The following TRIM9 variants were observed in gnomAD, a reference collection of about 807,000 sequenced individuals.
TRIM9 encodes tripartite motif containing 9.
Under a neutral mutation model 78.3 loss-of-function variants are expected in TRIM9, and 26 were observed. The observed-to-expected ratio is 0.33, with a 90% CI of 0.24 to 0.46. The LOEUF (loss-of-function observed/expected upper bound fraction) is 0.46, where lower values mean the gene tolerates loss of function less well. Among genes scored for constraint, TRIM9 ranks in the 20% least tolerant of loss-of-function variants. The pLI is 1.00. For missense variants in TRIM9, 787 were observed against 1,036.4 expected (o/e 0.76, Z 3.30); for synonymous variants, 398 against 416.5 (o/e 0.96, Z 0.54).
intron 1 of TRIM9, among the ~76,000 whole-genome samples, chr14:51,046,486 C>T (rs1220227048): frequency 6.6e-6 from 1 of 152,186 alleles, no homozygotes. Context: ...GATTTCTGTA[C>T]ATTAATTCTT....
Position 50,975,600 on chromosome 14 carries a change from A to G in TRIM9, c.*1691T>C, listed in dbSNP as rs1054483277. The G allele has an allele frequency of 1.3e-5, 2 of 152,668 alleles. No individual in the cohort carries two copies. Among genetic ancestry groups the G allele is most frequent in the African/African-American group, 2.4e-5 (1 of 41,446 alleles). The allele number at this position is 152,668 out of a possible 1,614,324, so 9.5% of individuals were successfully genotyped here. A position where few individuals can be genotyped will look rare whatever the true frequency, so the allele number is the denominator to read the frequency against. Reference sequence around the variant, plus strand: ...CTAGAAAAAGATTGTAACTGATAGAAATAATCTAAATAAAGTAAGCACAAA... The same window carrying G: ...CTAGAAAAAGATTGTAACTGATAGAGATAATCTAAATAAAGTAAGCACAAA... On this transcript the variant is annotated 3_prime_UTR_variant, in exon 13 of 13. Transcript: ENST00000684578.
chr14:51,045,166 C>T (rs1401264806), intron 1 of TRIM9, among the ~76,000 whole-genome samples: 5 of 152,150 alleles, frequency 3.3e-5, no homozygotes, highest in African/African-American at 9.7e-5. Context: ...GGTGAGCTGG[C>T]GTCTGTGATG....
At chr14:51,050,095 C>T (rs2060276326) in intron 1 of TRIM9, among the ~76,000 whole-genome samples, 1 of 152,148 alleles carries the variant, frequency 6.6e-6, no homozygotes, top group South Asian at 2.1e-4. Context: ...TAGTTACATA[C>T]AAAGAGTATT....
rs57050947 is a variant in TRIM9 at position 51,062,303 on chromosome 14, C to T, written c.822+31815G>A. On this transcript the variant is annotated intron_variant, in intron 1 of 12. Coordinates refer to ENST00000684578, the MANE Select transcript of TRIM9 (RefSeq NM_001387360.1). ...ACATCTGGGCCATCTTTGGGCATGC[C>T]GTGTAGACTGCTTTGGTCCTGATGA... is the stretch of plus-strand genomic sequence containing the variant. Among the ~76,000 whole-genome samples, 584 of 152,198 alleles carry T rather than the reference C, an allele frequency of 3.8e-3. 3 individuals carry two copies. Among genetic ancestry groups the T allele is most frequent in the African/African-American group, 0.013 (533 of 41,514 alleles).
intron 1 of TRIM9, among the ~76,000 whole-genome samples, chr14:51,051,532 C>A (rs1030123172): frequency 3.3e-5 from 5 of 152,248 alleles, no homozygotes; most frequent in African/African-American, 1.2e-4. Context: ...GAGATTTTTA[C>A]ACAAAGAACC....
At chr14:51,042,744 G>T (rs1336078342) in intron 1 of TRIM9, among the ~76,000 whole-genome samples, 1 of 152,120 alleles carries the variant, frequency 6.6e-6, no homozygotes, top group East Asian at 1.9e-4. Flanking sequence ...TGCAGGTAGG[G>T]GTGGAGGAAC....
chr14:51,069,404 A>T (rs1436530195), intron 1 of TRIM9, among the ~76,000 whole-genome samples: 1 of 152,244 alleles, frequency 6.6e-6, no homozygotes, highest in East Asian at 1.9e-4. Context: ...GTAGGGATGG[A>T]TACACAGGTA....
intron 5 of TRIM9, among the ~76,000 whole-genome samples, chr14:51,004,524 C>T (rs1275025870): frequency 6.6e-6 from 1 of 151,966 alleles, no homozygotes; most frequent in Non-Finnish European, 1.5e-5. Flanking sequence ...GTGGCAGGGA[C>T]AAGTGAGAAG....
chr14:51,053,593 TA>T (rs371891918), intron 1 of TRIM9, among the ~76,000 whole-genome samples: 15 of 115,006 alleles, frequency 1.3e-4, no homozygotes, highest in South Asian at 5.4e-4. Flanking sequence ...TTTTTTTTTT[TA>T]ATTTTTTTTT....
chr14:51,035,376 T>C (rs548234676), intron 1 of TRIM9, among the ~76,000 whole-genome samples: 1 of 152,354 alleles, frequency 6.6e-6, no homozygotes, highest in South Asian at 2.1e-4. Context: ...TATCCTTTCT[T>C]AGCACTAATA....
chr14:50,987,201 G>GA (rs2052828861), intron 7 of TRIM9, among the ~76,000 whole-genome samples: 1 of 152,198 alleles, frequency 6.6e-6, no homozygotes, highest in African/African-American at 2.4e-5. Flanking sequence ...TCTGTGACCA[G>GA]AGGGTATTTC....
intron 5 of TRIM9, among the ~76,000 whole-genome samples, chr14:51,002,920 G>T (rs748874519): frequency 6.6e-6 from 1 of 152,318 alleles, no homozygotes; most frequent in Admixed American, 6.5e-5. Context: ...AAGCTTCAAC[G>T]GCACAGGGTT....
At chr14:50,979,356 A>G in intron 12 of TRIM9, 31 bp downstream of exon 12, 2 of 1,614,222 alleles carry the variant, frequency 1.2e-6, no homozygotes, top group African/African-American at 1.3e-5. Flanking sequence ...AGCCAGCAAC[A>G]GCTGTTTAAC....
At chr14:51,025,729 G>A (rs555019516) in intron 1 of TRIM9, among the ~76,000 whole-genome samples, 5 of 149,184 alleles carry the variant, frequency 3.4e-5, no homozygotes, top group East Asian at 3.9e-4. Flanking sequence ...TCTTATCAAC[G>A]TTACTTAGCA....
At chr14:51,010,601 GGAATGGAACT>G in intron 3 of TRIM9, 107 bp from the exon 4 acceptor site, 1 of 765,138 alleles carries the variant, frequency 1.3e-6, no homozygotes. Flanking sequence ...ATTCCATTCT[GGAATGGAACT>G]AAATTTATGA....
rs34525509 is a variant in TRIM9 at position 51,053,159 on chromosome 14, CAA to C, written c.823-27801_823-27800del. 4.6e-4 allele frequency among the ~76,000 whole-genome samples: 62 copies of C among 133,514 alleles called. No homozygotes were observed. The South Asian group carries it at 7.4e-3, about 16-fold the overall frequency. The allele number at this position is 133,514 out of a possible 152,430, so 87.6% of individuals were successfully genotyped here. A position where few individuals can be genotyped will look rare whatever the true frequency, so the allele number is the denominator to read the frequency against. On this transcript the variant is annotated intron_variant, in intron 1 of 12. Transcript: ENST00000684578. ...TGGGTGACAGAGAGAGACCCTGTTTCAAAAAAAAAAAAAAGAGAAGAAAACTT... is the reference window on the plus strand; with the variant it reads ...TGGGTGACAGAGAGAGACCCTGTTTCAAAAAAAAAAAAGAGAAGAAAACTT...
At chr14:51,074,697 C>T (rs1221610621) in intron 1 of TRIM9, among the ~76,000 whole-genome samples, 4 of 152,172 alleles carry the variant, frequency 2.6e-5, no homozygotes, top group African/African-American at 4.8e-5. Flanking sequence ...ATTACAGATC[C>T]ACCAGTGGGC....
intron 3 of TRIM9, among the ~76,000 whole-genome samples, chr14:51,013,288 G>A (rs1317808490): frequency 6.9e-6 from 1 of 145,816 alleles, no homozygotes; most frequent in South Asian, 2.1e-4. Flanking sequence ...TAAAAACACT[G>A]CCTTTTTCCC....
chr14:51,038,565 C>T (rs1325903948), intron 1 of TRIM9, among the ~76,000 whole-genome samples: 2 of 152,134 alleles, frequency 1.3e-5, no homozygotes, highest in Admixed American at 6.5e-5. Flanking sequence ...AAAGGCAAAA[C>T]GACCACAAAG....
Sources: allele counts gnomAD v4.1 joint callset (sites outside exome capture counted in the v4.1 genomes callset), GRCh38; gene constraint gnomAD v4.1.1; transcripts MANE v1.5; gene names NCBI Gene and HGNC (gene_info 2026-07-23, HGNC 2026-07-21).